INTS2: variants seen among roughly 807,000 people sequenced by gnomAD.
INTS2 encodes the protein integrator complex subunit 2.
In INTS2, 57 loss-of-function variants were observed where a neutral mutation model predicts 139.6. The ratio of observed to expected loss-of-function variants is 0.41; its 90% CI spans 0.33 to 0.51. The LOEUF (loss-of-function observed/expected upper bound fraction) is 0.51. INTS2 is among the 20% of genes least tolerant of loss of function. INTS2 has a pLI of 0.28. For synonymous variants in INTS2, 473 were observed against 493.4 expected (o/e 0.96, Z 0.55); for missense variants, 1,196 against 1,436.7 (o/e 0.83, Z 2.71).
intron 5 of INTS2, among the ~76,000 whole-genome samples, chr17:61,914,092 C>A (rs962549215): frequency 6.6e-6 from 1 of 150,876 alleles, no homozygotes; most frequent in African/African-American, 2.4e-5. Context: ...ACAGAGACTG[C>A]CACTAGATTA....
At chr17:61,924,561 G>A (rs1271077535) in intron 3 of INTS2, among the ~76,000 whole-genome samples, 4 of 152,214 alleles carry the variant, frequency 2.6e-5, no homozygotes, top group Non-Finnish European at 5.9e-5. Flanking sequence ...ACCCATGCCT[G>A]TAATCCCAAC....
Position 61,869,711 on chromosome 17 carries a change from CA to C in INTS2, c.3030+25del, listed in dbSNP as rs1172379000. 1 of 1,605,928 alleles carries C rather than the reference CA, an allele frequency of 6.2e-7. No individual in the cohort carries two copies. The highest frequency in any genetic ancestry group is 8.5e-7 in the Non-Finnish European group (1 of 1,174,422). ...CCCCAAGAAAAATAAAGTTCAAACA[CA>C]AAGCATCATTCTTTGGAAACAGACC... On this transcript the variant is annotated intron_variant, in intron 21 of 24. Coordinates refer to ENST00000251334, the MANE Select transcript of INTS2 (RefSeq NM_001351695.2). This position sits in a 1 kb window ranked among gnomAD's most constrained non-coding sequence, Gnocchi z 5.4.
intron 5 of INTS2, among the ~76,000 whole-genome samples, chr17:61,914,637 A>G (rs535470946): frequency 4.0e-5 from 6 of 148,186 alleles, no homozygotes; most frequent in Non-Finnish European, 5.9e-5. Context: ...CAGGAGGCGG[A>G]GCTTGCAGTG....
Position 61,869,657 on chromosome 17 carries a change from A to G in INTS2, c.3030+80T>C. ...CATTTGTGTTTTCTCTGGTTTCTAAATGATCCCTGTTAATATAGTATTCAA... is the reference window on the plus strand; with the variant it reads ...CATTTGTGTTTTCTCTGGTTTCTAAGTGATCCCTGTTAATATAGTATTCAA... On this transcript the variant is annotated intron_variant, in intron 21 of 24. Coordinates refer to ENST00000251334, the MANE Select transcript of INTS2 (RefSeq NM_001351695.2). This position sits in a 1 kb window ranked among gnomAD's most constrained non-coding sequence, Gnocchi z 5.4. 1 of 1,455,540 alleles carries G rather than the reference A, an allele frequency of 6.9e-7. No individual in the cohort carries two copies. Among genetic ancestry groups the G allele is most frequent in the Non-Finnish European group, 9.3e-7 (1 of 1,074,652 alleles). 90.2% of individuals were successfully genotyped at this position (1,455,540 alleles called of 1,614,324 possible). A position where few individuals can be genotyped will look rare whatever the true frequency, so the allele number is the denominator to read the frequency against.
At chr17:61,902,796 G>C (rs1336213642) in intron 9 of INTS2, among the ~76,000 whole-genome samples, 4 of 150,284 alleles carry the variant, frequency 2.7e-5, no homozygotes, top group African/African-American at 9.9e-5. Context: ...CTTCAACCCA[G>C]GAGTTCAAGA....
chr17:61,903,640 C>A (rs1603379512), intron 9 of INTS2, among the ~76,000 whole-genome samples: 1 of 141,436 alleles, frequency 7.1e-6, no homozygotes, highest in African/African-American at 2.6e-5. Flanking sequence ...AAGCAAAAAA[C>A]AAAAACACAG....
rs765222355 is a variant in INTS2 at position 61,912,046 on chromosome 17, C to A, written c.674G>T (p.Gly225Val). The A allele has an allele frequency of 8.7e-6, 14 of 1,613,682 alleles. No homozygotes were observed. The South Asian group carries it at 1.4e-4, about 16-fold the overall frequency. Residue 225 changes from glycine (G) to valine (V), a missense_variant, in exon 6 of 25, where the codon GGA becomes GTA. Physicochemically the swap from Gly to Val is moderately radical, Grantham distance 109. Around this residue, in one of 3 missense-constraint regions of INTS2, gnomAD observed 1,129 missense variants for 1,341.9 expected, o/e 0.84. Transcript: ENST00000251334. ...NEVCRGLIKN[G>V]ERQDEESLGG... ...AAGACTTTCTTCATCTTGTCGTTCT[C>A]CATTTTTTATCAGGCCCCTACAAAC...
chr17:61,907,634 T>C lies in INTS2; in HGVS notation c.955A>G (p.Arg319Gly), dbSNP rs1423312012. 3 of 1,570,678 alleles carry C rather than the reference T, an allele frequency of 1.9e-6. No homozygotes were observed. The highest frequency in any genetic ancestry group is 1.7e-6 in the Non-Finnish European group (2 of 1,156,278). ...FGTFIRNGQQ[R>G]KRETSSSVLW... ...ACAGAACTGCTGGTCTCTCTTTTTC[T>C]CTGAAAGAAATATGGATCACAAAAG... Residue 319 changes from arginine (R) to glycine (G), a missense_variant and splice_region_variant, in exon 8 of 25, where the codon AGA (arginine) becomes GGA (glycine). By Grantham distance (125) the Arg-to-Gly change is moderately radical. Transcript: ENST00000251334.
intron 13 of INTS2, among the ~76,000 whole-genome samples, chr17:61,892,112 C>T (rs1367528352): frequency 6.6e-6 from 1 of 152,046 alleles, no homozygotes; most frequent in Admixed American, 6.6e-5. Context: ...TTACAGGAGA[C>T]TTATCACTTA....
chr17:61,879,429 A>C (rs2079158118), intron 17 of INTS2, among the ~76,000 whole-genome samples: 1 of 152,200 alleles, frequency 6.6e-6, no homozygotes, highest in Non-Finnish European at 1.5e-5. Flanking sequence ...TGAGCATCTG[A>C]AATAACTAGT....
rs2079185883 is a variant in INTS2 at position 61,882,426 on chromosome 17, T to C, written c.2090-1255A>G. On this transcript the variant is annotated intron_variant, in intron 16 of 24. Coordinates refer to ENST00000251334, the MANE Select transcript of INTS2 (RefSeq NM_001351695.2). The surrounding 1 kb of genome is among the most constrained non-coding windows in gnomAD (Gnocchi z 4.7). ...ACAGTTTGACTATTCATGACTATTA[T>C]GTATAATGTTAATAATGAGAGGCTG... 6.6e-6 allele frequency among the ~76,000 whole-genome samples: 1 copy of C among 152,236 alleles called. No individual in the cohort carries two copies. The highest frequency in any genetic ancestry group is 6.5e-5 in the Admixed American group (1 of 15,284).
Position 61,871,082 on chromosome 17 carries a change from C to G in INTS2, c.2779-1094G>C, listed in dbSNP as rs753558662. Among the ~76,000 whole-genome samples the G allele has an allele frequency of 3.9e-5, 6 of 152,118 alleles. No homozygotes were observed. Among genetic ancestry groups the G allele is most frequent in the Non-Finnish European group, 8.8e-5 (6 of 68,020 alleles). ...ATGATCTTCAATCCCTTATCTGAAA[C>G]TCCTAGGAACAGATTTATTTTATTG... On this transcript the variant is annotated intron_variant, in intron 20 of 24. Transcript: ENST00000251334. This position sits in a 1 kb window ranked among gnomAD's most constrained non-coding sequence, Gnocchi z 4.9.
chr17:61,887,804 G>A (rs557641514), intron 15 of INTS2, among the ~76,000 whole-genome samples: 12 of 152,202 alleles, frequency 7.9e-5, no homozygotes, highest in African/African-American at 2.9e-4. Flanking sequence ...TGTAATCCCA[G>A]CACTTTGAGA....
chr17:61,901,190 C>G (rs1353804885), intron 9 of INTS2, among the ~76,000 whole-genome samples: 2 of 151,940 alleles, frequency 1.3e-5, no homozygotes, highest in African/African-American at 4.8e-5. Flanking sequence ...GATCTGTTGA[C>G]CCCAGAAGTT....
intron 15 of INTS2, among the ~76,000 whole-genome samples, chr17:61,885,473 G>A (rs1286730340): frequency 6.7e-6 from 1 of 148,736 alleles, no homozygotes; most frequent in Admixed American, 6.7e-5. Flanking sequence ...AGAGTGCAGT[G>A]GCACGATCTC....
chr17:61,925,177 A>C, intron 2 of INTS2, 78 bp from the exon 3 acceptor site: 1 of 1,294,942 alleles, frequency 7.7e-7, no homozygotes, highest in Admixed American at 1.9e-5. Flanking sequence ...CTTTTATTGA[A>C]ATAAGCTATA....
intron 4 of INTS2, 94 bp from the exon 5 acceptor site, chr17:61,919,607 C>T: frequency 1.5e-6 from 1 of 673,920 alleles, no homozygotes; most frequent in Non-Finnish European, 2.6e-6. Flanking sequence ...GACTGAATCT[C>T]ACTGTGTTGC....
chr17:61,902,691 C>T (rs957221503), intron 9 of INTS2, among the ~76,000 whole-genome samples: 5 of 151,266 alleles, frequency 3.3e-5, no homozygotes, highest in African/African-American at 1.2e-4. Flanking sequence ...CTGGGCAACA[C>T]AGCGAAACAC....
rs1390717556 is a variant in INTS2 at position 61,876,576 on chromosome 17, A to G, written c.2456+1311T>C. Among the ~76,000 whole-genome samples, 1 of 152,018 alleles carries G rather than the reference A, an allele frequency of 6.6e-6. No homozygotes were observed. Among genetic ancestry groups the G allele is most frequent in the African/African-American group, 2.4e-5 (1 of 41,394 alleles). On this transcript the variant is annotated intron_variant, in intron 18 of 24. Transcript: ENST00000251334. The surrounding 1 kb of genome is among the most constrained non-coding windows in gnomAD (Gnocchi z 4.1). ...GCCTCAGCCCACCAAGTAGCTGGGA[A>G]TACAGGCATGCATGCACCACCATGC...
Sources: gnomAD v4.1 joint callset for allele counts (sites outside exome capture counted in the v4.1 genomes callset) on GRCh38, gnomAD v4.1.1 for gene constraint, gnomAD v4.1.1 regional missense constraint, Gnocchi (gnomAD v3.1) non-coding constraint, MANE v1.5 for transcripts, NCBI Gene and HGNC (gene_info 2026-07-23, HGNC 2026-07-21) for gene names.